SHANK2: variants seen among roughly 807,000 people sequenced by gnomAD.
SHANK2 encodes SH3 and multiple ankyrin repeat domains protein 2.
Under a neutral mutation model 133.7 loss-of-function variants are expected in SHANK2, and 43 were observed. The observed-to-expected ratio is 0.32, with a 90% CI of 0.25 to 0.41. The LOEUF (loss-of-function observed/expected upper bound fraction) is 0.41. SHANK2 is among the 10% of genes least tolerant of loss of function. The pLI is 1.00. For synonymous variants in SHANK2, 1,017 were observed against 952.8 expected, an observed-to-expected ratio of 1.07 and a Z score of -1.24; for missense variants, 1,994 against 2,235.8, an observed-to-expected ratio of 0.89 and a Z score of 2.18.
chr11:70,506,152 AAGGACCTTGGCGGCCCC>A (rs1250630181), intron 17 of SHANK2, among the ~76,000 whole-genome samples: 1 of 152,200 alleles, frequency 6.6e-6, no homozygotes, highest in East Asian at 1.9e-4. Flanking sequence ...CTGCGGGGCC[AAGGACCTTGGCGGCCCC>A]AGCACCTTCC....
chr11:70,600,434 A>AG (rs1554990803), intron 17 of SHANK2, among the ~76,000 whole-genome samples: 1 of 149,600 alleles, frequency 6.7e-6, no homozygotes, highest in South Asian at 2.1e-4. Context: ...AAAAAAAAAA[A>AG]AAAGAAAAGA....
chr11:70,812,082 A>T (rs2135298143), intron 12 of SHANK2, among the ~76,000 whole-genome samples: 1 of 152,378 alleles, frequency 6.6e-6, no homozygotes, highest in African/African-American at 2.4e-5. Flanking sequence ...GCCCTGCTGC[A>T]GCTGCAAAGT....
intron 10 of SHANK2, among the ~76,000 whole-genome samples, chr11:70,921,644 G>A (rs191924074): frequency 1.2e-4 from 18 of 152,328 alleles, no homozygotes; most frequent in Admixed American, 2.6e-4. Flanking sequence ...GTAAGCACAC[G>A]AGGCTCTCAC....
chr11:71,171,528 T>C (rs1287931955), intron 2 of SHANK2, among the ~76,000 whole-genome samples: 1 of 152,220 alleles, frequency 6.6e-6, no homozygotes, highest in Non-Finnish European at 1.5e-5. Context: ...CCAAAGGCTT[T>C]GGAGTTGTCC....
At chr11:71,158,371 C>A (rs1233871718) in intron 2 of SHANK2, among the ~76,000 whole-genome samples, 1 of 151,852 alleles carries the variant, frequency 6.6e-6, no homozygotes, top group Non-Finnish European at 1.5e-5. Context: ...CAACAATAAC[C>A]AAAGTCAACT....
At chr11:71,074,737 T>C (rs1951196068) in intron 9 of SHANK2, among the ~76,000 whole-genome samples, 1 of 151,756 alleles carries the variant, frequency 6.6e-6, no homozygotes, top group African/African-American at 2.4e-5. Context: ...GGGCTTAGTA[T>C]ATTTTGTTTC....
At chr11:70,924,183 T>C (rs1216525874) in intron 10 of SHANK2, among the ~76,000 whole-genome samples, 1 of 152,182 alleles carries the variant, frequency 6.6e-6, no homozygotes, top group East Asian at 1.9e-4. Flanking sequence ...CCCTGCACCG[T>C]TACCAGAGTC....
At chr11:70,519,374 C>T (rs539566454) in intron 17 of SHANK2, among the ~76,000 whole-genome samples, 153 of 152,222 alleles carry the variant, frequency 1.0e-3, no homozygotes, top group East Asian at 1.7e-3. Context: ...TCATTATGGG[C>T]GGGGCATGGT....
chr11:70,678,131 T>C (rs1944940803), intron 15 of SHANK2, among the ~76,000 whole-genome samples: 1 of 152,146 alleles, frequency 6.6e-6, no homozygotes, highest in Non-Finnish European at 1.5e-5. Context: ...TTTTCCTTCT[T>C]GTTCTTTTGT....
intron 9 of SHANK2, among the ~76,000 whole-genome samples, chr11:71,069,248 G>T (rs1417365478): frequency 6.8e-6 from 1 of 146,902 alleles, no homozygotes; most frequent in East Asian, 2.1e-4. Flanking sequence ...CATTACCATG[G>T]TTACTGTCAC....
chr11:70,675,591 G>T (rs1026423716), intron 15 of SHANK2, among the ~76,000 whole-genome samples: 28 of 152,202 alleles, frequency 1.8e-4, no homozygotes, highest in Admixed American at 6.5e-5. Flanking sequence ...AGAAAGGAAA[G>T]AACCCTCAGG....
intron 6 of SHANK2, among the ~76,000 whole-genome samples, chr11:71,097,601 A>G (rs1254645799): frequency 6.6e-6 from 1 of 152,190 alleles, no homozygotes; most frequent in East Asian, 1.9e-4. Flanking sequence ...AGACCCTCCA[A>G]CTAGAGGCTG....
intron 14 of SHANK2, among the ~76,000 whole-genome samples, chr11:70,735,027 A>G (rs372537955): frequency 2.6e-5 from 4 of 152,308 alleles, no homozygotes; most frequent in East Asian, 1.9e-4. Context: ...CTGTGAGGCC[A>G]GTCCCGTGTC....
intron 17 of SHANK2, among the ~76,000 whole-genome samples, chr11:70,600,418 C>CAAAAAAAAAAAAAAAAAA (rs56103044): frequency 8.4e-5 from 8 of 95,458 alleles, no homozygotes; most frequent in Non-Finnish European, 1.7e-4. Flanking sequence ...GACTCTGTCT[C>CAAAAAAAAAAAAAAAAAA]AAAAAAAAAA....
chr11:71,159,473 A>G (rs1555109547), intron 2 of SHANK2, among the ~76,000 whole-genome samples: 1 of 152,246 alleles, frequency 6.6e-6, no homozygotes, highest in Admixed American at 6.5e-5. Context: ...TCCTTTTGCC[A>G]TATGAGGTCA....
chr11:71,201,813 G>A (rs1275865551), intron 2 of SHANK2, among the ~76,000 whole-genome samples: 1 of 152,140 alleles, frequency 6.6e-6, no homozygotes, highest in East Asian at 1.9e-4. Context: ...GAATCTGTGG[G>A]AAGGAGGCAG....
intron 17 of SHANK2, among the ~76,000 whole-genome samples, chr11:70,575,238 G>A (rs1427745508): frequency 1.3e-5 from 2 of 152,180 alleles, no homozygotes; most frequent in Non-Finnish European, 2.9e-5. Context: ...CCAGCCGGAT[G>A]TGGTAGTTCA....
chr11:71,130,174 C>A (rs114945241), intron 3 of SHANK2, among the ~76,000 whole-genome samples: 119 of 152,262 alleles, frequency 7.8e-4, no homozygotes, highest in African/African-American at 2.7e-3. Context: ...TGACTTCATT[C>A]AATATAGAAA....
intron 10 of SHANK2, among the ~76,000 whole-genome samples, chr11:70,930,713 G>C (rs1198318410): frequency 6.9e-6 from 1 of 145,244 alleles, no homozygotes; most frequent in Non-Finnish European, 1.5e-5. Flanking sequence ...TCCCAGGCTG[G>C]AGGCTGGAGT....
Sources: allele counts gnomAD v4.1 joint callset (sites outside exome capture counted in the v4.1 genomes callset), GRCh38; gene constraint gnomAD v4.1.1; transcripts MANE v1.5; gene names NCBI Gene and HGNC (gene_info 2026-07-23, HGNC 2026-07-21).